Variants in FOCAD observed in about 807,000 individuals in gnomAD.
FOCAD encodes KIAA1797.
In FOCAD, 198 loss-of-function variants were observed where a neutral mutation model predicts 225.6. That is an observed-to-expected ratio of 0.88 (90% CI 0.78 to 0.99). The LOEUF (loss-of-function observed/expected upper bound fraction) is 0.99. Ranked by LOEUF, FOCAD falls within the 50% of genes least tolerant of loss-of-function variation. The pLI, the probability that FOCAD is intolerant of heterozygous loss-of-function variation, is 0.00. For missense variants in FOCAD, 2,713 were observed against 2,123.6 expected, an observed-to-expected ratio of 1.28 and a Z score of -5.46; for synonymous variants, 897 against 755.0, an observed-to-expected ratio of 1.19 and a Z score of -3.08.
chr9:20,906,990 T>C (rs1185419109), intron 21 of FOCAD, among the ~76,000 whole-genome samples, 160 bp from the exon 22 acceptor site: 4 of 152,140 alleles, frequency 2.6e-5, no homozygotes, highest in African/African-American at 9.6e-5. Context: ...TCCTTAGGAA[T>C]ATCCAAAAGA....
chr9:20,927,111 G>C (rs1333081005), intron 26 of FOCAD, among the ~76,000 whole-genome samples: 2 of 151,918 alleles, frequency 1.3e-5, no homozygotes, highest in African/African-American at 4.8e-5. Context: ...TCAGTATTTT[G>C]AGAGCTCTCT....
chr9:20,753,430 G>C (rs990017889), intron 5 of FOCAD, among the ~76,000 whole-genome samples: 3 of 151,912 alleles, frequency 2.0e-5, no homozygotes, highest in Admixed American at 6.6e-5. Flanking sequence ...TGTGGTTTTT[G>C]TCTTTGGTTC....
At chr9:20,782,033 T>C in intron 10 of FOCAD, 104 bp downstream of exon 10, 1 of 946,188 alleles carries the variant, frequency 1.1e-6, no homozygotes, top group Non-Finnish European at 1.7e-6. Flanking sequence ...GTTATCAGAC[T>C]TCACCATTCA....
At chr9:20,749,021 G>GT (rs1007745155) in intron 5 of FOCAD, among the ~76,000 whole-genome samples, 6 of 151,878 alleles carry the variant, frequency 4.0e-5, no homozygotes, top group South Asian at 2.1e-4. Flanking sequence ...GTCTCTAGGT[G>GT]TTTTTTTTCC....
chr9:20,691,361 G>C (rs1027096582), intron 1 of FOCAD, among the ~76,000 whole-genome samples: 4 of 152,068 alleles, frequency 2.6e-5, no homozygotes, highest in African/African-American at 9.7e-5. Flanking sequence ...TTATCTCCCT[G>C]ATAAGAGTGC....
At chr9:20,834,675 T>C (rs1259106790) in intron 15 of FOCAD, among the ~76,000 whole-genome samples, 1 of 151,970 alleles carries the variant, frequency 6.6e-6, no homozygotes, top group East Asian at 1.9e-4. Context: ...CTAATCTATG[T>C]GTGTAGAAAT....
At chr9:20,954,022 G>A (rs984295788) in intron 35 of FOCAD, among the ~76,000 whole-genome samples, 4 of 152,120 alleles carry the variant, frequency 2.6e-5, no homozygotes, top group Non-Finnish European at 4.4e-5. Context: ...GTAATCCCTG[G>A]AGCTTCCAGA....
In FOCAD at chr9:20,907,209, A is replaced by G. The variant is rs148962332; in HGVS notation, c.2685A>G (p.Ala895=). 1.7e-4 allele frequency: 271 copies of G among 1,613,322 alleles called. No individual in the cohort carries two copies. The African/African-American group carries it at 2.9e-3, about 17-fold the overall frequency. Residue 895 remains alanine, a synonymous_variant, in exon 22 of 44, where the codon GCA becomes GCG. Transcript: ENST00000338382. ...TTTTTCTTCCACAGGCCTGGCTTGC[A>G]TACATGAATCGAGCTTATCATGCCA... is the stretch of plus-strand genomic sequence containing the variant. ...RAIFLPQAWL[A]YMNRAYHAIL...
intron 1 of FOCAD, among the ~76,000 whole-genome samples, chr9:20,693,026 C>T (rs968674548): frequency 1.3e-5 from 2 of 152,298 alleles, no homozygotes; most frequent in East Asian, 1.9e-4. Context: ...TTTATAAAAA[C>T]GTGAGTTAGA....
chr9:20,664,874 A>G (rs1455888488), intron 2 of FOCAD, among the ~76,000 whole-genome samples: 3 of 152,130 alleles, frequency 2.0e-5, no homozygotes, highest in African/African-American at 7.2e-5. Flanking sequence ...AGTTTAATGT[A>G]TGTCATATTT....
At chr9:20,753,523 G>A (rs200165779) in intron 5 of FOCAD, among the ~76,000 whole-genome samples, 34,614 of 151,518 alleles carry the variant, frequency 0.23, 4,033 homozygotes, top group Non-Finnish European at 0.26. Flanking sequence ...CTTGATCATG[G>A]TGGATAAGCT....
Position 20,740,334 on chromosome 9 carries a change from C to A in FOCAD, c.386C>A (p.Thr129Asn). 2 of 1,550,922 alleles carry A rather than the reference C, an allele frequency of 1.3e-6. No homozygotes were observed. The highest frequency in any genetic ancestry group is 2.3e-5 in the East Asian group (1 of 44,318). The change falls in exon 5 of 44, where the codon ACC (threonine) becomes AAC (asparagine). Residue 129 changes from threonine to asparagine, a missense_variant. Transcript: ENST00000338382. Reference protein sequence around the residue: ...GGEKNIQSIYTIRNHPHPLIT... With the variant: ...GGEKNIQSIYNIRNHPHPLIT... ...GAAAAGAATATTCAGAGTATATATACCATTAGGTAAGCCTTTTTTCTGTTT... is the reference window on the plus strand; with the variant it reads ...GAAAAGAATATTCAGAGTATATATAACATTAGGTAAGCCTTTTTTCTGTTT...
chr9:20,798,895 G>A (rs1450177601), intron 11 of FOCAD, among the ~76,000 whole-genome samples: 1 of 152,064 alleles, frequency 6.6e-6, no homozygotes, highest in East Asian at 1.9e-4. Flanking sequence ...GCTAGCTTTT[G>A]AATGTGTTTG....
intron 35 of FOCAD, among the ~76,000 whole-genome samples, chr9:20,968,622 A>T (rs1839486483): frequency 6.6e-6 from 1 of 151,324 alleles, no homozygotes; most frequent in Admixed American, 6.6e-5. Flanking sequence ...TTGTATTTTT[A>T]GTAGAGATGG....
chr9:20,867,838 C>T (rs1169682542), intron 18 of FOCAD, among the ~76,000 whole-genome samples: 1 of 152,048 alleles, frequency 6.6e-6, no homozygotes, highest in Non-Finnish European at 1.5e-5. Context: ...TCCTTGGGAT[C>T]CTCAGGCATT....
chr9:20,937,729 G>A (rs1322501328), intron 28 of FOCAD, among the ~76,000 whole-genome samples: 1 of 151,582 alleles, frequency 6.6e-6, no homozygotes, highest in Non-Finnish European at 1.5e-5. Flanking sequence ...ATTGACAAAT[G>A]GGATCTAATT....
chr9:20,679,347 G>A (rs997842811), upstream of FOCAD, among the ~76,000 whole-genome samples: 2 of 152,116 alleles, frequency 1.3e-5, no homozygotes. Flanking sequence ...CTGTGATTTA[G>A]TACTGAATTT....
At chr9:20,926,503 G>C in intron 26 of FOCAD, 86 bp downstream of exon 26, 1 of 859,128 alleles carries the variant, frequency 1.2e-6, no homozygotes. Context: ...GATTATATAG[G>C]CCAGGCGCGG....
At chr9:20,714,012 TG>T (rs1185023041) in intron 1 of FOCAD, among the ~76,000 whole-genome samples, 1 of 152,168 alleles carries the variant, frequency 6.6e-6, no homozygotes, top group African/African-American at 2.4e-5. Context: ...TGGACATAGA[TG>T]TCGAAGAAAA....
Sources: allele counts gnomAD v4.1 joint callset (sites outside exome capture counted in the v4.1 genomes callset), GRCh38; gene constraint gnomAD v4.1.1; transcripts MANE v1.5; gene names NCBI Gene and HGNC (gene_info 2026-07-23, HGNC 2026-07-21).